The following KANK1 variants were observed in gnomAD, a reference collection of about 807,000 sequenced individuals.
The protein encoded by KANK1 is KN motif and ankyrin repeat domain-containing protein 1.
A neutral mutation model predicts 106.2 loss-of-function variants in KANK1; 109 were observed. The observed-to-expected ratio is 1.03, with a 90% CI of 0.88 to 1.20. KANK1 has a LOEUF of 1.20. Ranked by LOEUF, KANK1 falls within the 50% of genes most tolerant of loss-of-function variation. The probability of loss-of-function intolerance (pLI) is 0.00; values close to 1 mark genes in which losing one functional copy is unlikely to be tolerated. For synonymous variants in KANK1, 873 were observed against 652.2 expected, an observed-to-expected ratio of 1.34 and a Z score of -5.16; for missense variants, 2,399 against 1,710.7, an observed-to-expected ratio of 1.40 and a Z score of -7.10.
intron 1 of KANK1, among the ~76,000 whole-genome samples, chr9:566,154 A>G (rs1817752396): frequency 6.6e-6 from 1 of 152,128 alleles, no homozygotes; most frequent in Non-Finnish European, 1.5e-5. Flanking sequence ...GCTGTGGGTG[A>G]TGGCTTCCAG....
At chr9:661,711 C>A (rs1843355846) in intron 1 of KANK1, among the ~76,000 whole-genome samples, 1 of 152,156 alleles carries the variant, frequency 6.6e-6, no homozygotes, top group Non-Finnish European at 1.5e-5. Flanking sequence ...CTGTCTTTTA[C>A]AATGGTTGAA....
intron 1 of KANK1, among the ~76,000 whole-genome samples, chr9:548,103 C>T (rs554069442): frequency 6.6e-6 from 1 of 152,102 alleles, no homozygotes; most frequent in East Asian, 1.9e-4. Context: ...ATGGTTTGGC[C>T]AAATCCTTTT....
intron 3 of KANK1, among the ~76,000 whole-genome samples, chr9:494,056 T>A (rs181655828): frequency 4.0e-5 from 6 of 151,628 alleles, no homozygotes; most frequent in Non-Finnish European, 7.4e-5. Flanking sequence ...CTAATTTTTG[T>A]ATTTTTAGTA....
At chr9:690,305 C>CAAAA (rs1455672469) in intron 2 of KANK1, among the ~76,000 whole-genome samples, 1 of 84,206 alleles carries the variant, frequency 1.2e-5, no homozygotes, top group African/African-American at 4.8e-5. Context: ...GACTCTGTCT[C>CAAAA]AAAAAAAAGA....
chr9:579,213 G>C (rs533755506), intron 1 of KANK1, among the ~76,000 whole-genome samples: 3 of 152,198 alleles, frequency 2.0e-5, no homozygotes, highest in African/African-American at 7.2e-5. Context: ...ACCCACCCTG[G>C]GTCTGCTTCC....
chr9:502,503 C>T (rs926836333), upstream of KANK1, among the ~76,000 whole-genome samples: 8 of 150,470 alleles, frequency 5.3e-5, no homozygotes, highest in African/African-American at 1.7e-4. Flanking sequence ...GAGGTGAAGG[C>T]TGGGAATTCT....
intron 9 of KANK1, among the ~76,000 whole-genome samples, 155 bp downstream of exon 9, chr9:741,089 C>G (rs748693301): frequency 6.6e-6 from 1 of 152,248 alleles, no homozygotes; most frequent in Non-Finnish European, 1.5e-5. Context: ...CCTGGCACTC[C>G]TTGCTGACCA....
chr9:713,663 A>AC (rs1180802063), intron 3 of KANK1, among the ~76,000 whole-genome samples, 199 bp downstream of exon 3: 1 of 152,222 alleles, frequency 6.6e-6, no homozygotes, highest in Non-Finnish European at 1.5e-5. Flanking sequence ...TGGTAGCCTC[A>AC]CTGGCCTCTG....
chr9:648,830 A>T (rs1840283626), intron 1 of KANK1, among the ~76,000 whole-genome samples: 1 of 152,224 alleles, frequency 6.6e-6, no homozygotes. Context: ...TTTGGTTTAA[A>T]ATAGAAGCTG....
rs528580293 is a variant in KANK1 at position 665,724 on chromosome 9, A to G, written c.-83-11166A>G. On this transcript the variant is annotated intron_variant, in intron 1 of 11. Transcript: ENST00000382297. ...TTGTTGGTATTTTGATAGGGATTAC[A>G]TTGAATCAGTAAACTGCTTTGGGTA... Among the ~76,000 whole-genome samples, 14 of 152,336 alleles carry G rather than the reference A, an allele frequency of 9.2e-5. No individual in the cohort carries two copies. The South Asian group carries it at 2.7e-3, about 29-fold the overall frequency.
chr9:522,053 C>T (rs1205497799), intron 1 of KANK1, among the ~76,000 whole-genome samples: 1 of 151,602 alleles, frequency 6.6e-6, no homozygotes, highest in Non-Finnish European at 1.5e-5. Context: ...AATGTTGGCA[C>T]ATTTCTTGGG....
chr9:586,686 T>A (rs1565788), intron 1 of KANK1, among the ~76,000 whole-genome samples: 42,640 of 152,032 alleles, frequency 0.28, 6,209 homozygotes, highest in Admixed American at 0.36. Context: ...TGAATTATGT[T>A]TGTACTACCA....
chr9:553,041 G>A (rs1456893451), intron 1 of KANK1, among the ~76,000 whole-genome samples: 1 of 152,170 alleles, frequency 6.6e-6, no homozygotes, highest in Non-Finnish European at 1.5e-5. Flanking sequence ...AGCTACTTGG[G>A]AGGCTGAGGT....
rs376126868 is a variant in KANK1 at position 520,428 on chromosome 9, C to T, written c.-84+15674C>T. On this transcript the variant is annotated intron_variant, in intron 1 of 11. Coordinates refer to ENST00000382297, the MANE Select transcript of KANK1 (RefSeq NM_015158.5). ...TGTGTGTCACTTCTACTCGCCTTCACTTGGCTGAAGAAAGTCATATGGCCA... is the reference window on the plus strand; with the variant it reads ...TGTGTGTCACTTCTACTCGCCTTCATTTGGCTGAAGAAAGTCATATGGCCA... Among the ~76,000 whole-genome samples, 7 of 151,782 alleles carry T rather than the reference C, an allele frequency of 4.6e-5. No homozygotes were observed. In the South Asian group the frequency reaches 1.5e-3, roughly 31 times the overall value.
At chr9:495,052 A>G (rs2058436585) in intron 3 of KANK1, among the ~76,000 whole-genome samples, 1 of 152,250 alleles carries the variant, frequency 6.6e-6, no homozygotes, top group Non-Finnish European at 1.5e-5. Flanking sequence ...TTGTTTAGAT[A>G]ATAACTTTCT....
At chr9:654,451 A>T (rs184927264) in intron 1 of KANK1, among the ~76,000 whole-genome samples, 343 of 152,334 alleles carry the variant, frequency 2.3e-3, no homozygotes, top group Non-Finnish European at 4.1e-3. Flanking sequence ...TGGAGGAACT[A>T]CTATTCTCTT....
chr9:645,974 C>G (rs1014382016), intron 1 of KANK1, among the ~76,000 whole-genome samples: 2 of 150,722 alleles, frequency 1.3e-5, no homozygotes, highest in African/African-American at 5.0e-5. Context: ...GAATGCTTAC[C>G]CATTTGACTG....
chr9:538,017 C>G (rs910806800), intron 1 of KANK1, among the ~76,000 whole-genome samples: 8 of 152,112 alleles, frequency 5.3e-5, no homozygotes, highest in African/African-American at 1.7e-4. Context: ...ATTCCCCTCT[C>G]TCTTGTTAAG....
At chr9:677,992 T>G (rs1424371538) in intron 2 of KANK1, among the ~76,000 whole-genome samples, 1 of 152,164 alleles carries the variant, frequency 6.6e-6, no homozygotes, top group Non-Finnish European at 1.5e-5. Context: ...ATGTAAGCCG[T>G]AAAGCACTTT....
Sources: gnomAD v4.1 joint callset for allele counts (sites outside exome capture counted in the v4.1 genomes callset) on GRCh38, gnomAD v4.1.1 for gene constraint, MANE v1.5 for transcripts, NCBI Gene and HGNC (gene_info 2026-07-23, HGNC 2026-07-21) for gene names.